GALNT7: variants seen among roughly 807,000 people sequenced by gnomAD.
GALNT7 encodes N-acetylgalactosaminyltransferase 7.
A neutral mutation model predicts 82.1 loss-of-function variants in GALNT7; 60 were observed. The ratio of observed to expected loss-of-function variants is 0.73; its 90% confidence interval spans 0.59 to 0.91. The LOEUF is 0.91. Ranked by LOEUF, GALNT7 falls within the 40% of genes least tolerant of loss-of-function variation. The pLI is 0.00. For missense variants in GALNT7, 660 were observed against 804.2 expected, an observed-to-expected ratio of 0.82 and a Z score of 2.17; for synonymous variants, 243 against 275.1, an observed-to-expected ratio of 0.88 and a Z score of 1.15.
In GALNT7 at chr4:173,176,072, C is replaced by CA. The variant is rs369527302; in HGVS notation, c.126+7123dup. ...TGGGCAACAAAACGAGACTCCATCT[C>CA]AAAAAAAAAAAATTAAAAACAAAAA... On this transcript the variant is annotated intron_variant, in intron 1 of 11. Coordinates refer to ENST00000265000, the MANE Select transcript of GALNT7 (RefSeq NM_017423.3). Among the ~76,000 whole-genome samples, 920 of 139,928 alleles carry CA rather than the reference C, an allele frequency of 6.6e-3. 9 individuals carry two copies. Among genetic ancestry groups the CA allele is most frequent in the African/African-American group, 0.019 (752 of 38,644 alleles). 91.8% of individuals were successfully genotyped at this position (139,928 alleles called of 152,430 possible).
At position 173,320,619 on chromosome 4, in the gene GALNT7, C is replaced by T. The variant is rs549221031; in HGVS notation, c.1837-961C>T. Among the ~76,000 whole-genome samples, 2 of 152,226 alleles carry T rather than the reference C, an allele frequency of 1.3e-5. No individual in the cohort carries two copies. The highest frequency in any genetic ancestry group is 4.8e-5 in the African/African-American group (2 of 41,550). On this transcript the variant is annotated intron_variant, in intron 11 of 11. Transcript: ENST00000265000. This position sits in a 1 kb window ranked among gnomAD's most constrained non-coding sequence, Gnocchi z 4.1. Reference sequence around the variant, plus strand: ...ATACAGTTTGTAAAGGGAGCGAGTACTTTAATAGCCGTTCATATAATTGTG... The same window carrying T: ...ATACAGTTTGTAAAGGGAGCGAGTATTTTAATAGCCGTTCATATAATTGTG...
chr4:173,298,342 G>T (rs1266735900), intron 6 of GALNT7, 45 bp downstream of exon 6: 1 of 1,306,986 alleles, frequency 7.7e-7, no homozygotes, highest in Non-Finnish European at 1.1e-6. Context: ...TCCAGTTGCT[G>T]CTAACCTATT....
At chr4:173,241,963 T>C (rs931948312) in intron 1 of GALNT7, among the ~76,000 whole-genome samples, 6 of 152,148 alleles carry the variant, frequency 3.9e-5, no homozygotes, top group Admixed American at 2.0e-4. Context: ...GATATAACTA[T>C]TAGCTATTCC....
intron 1 of GALNT7, among the ~76,000 whole-genome samples, chr4:173,196,859 A>T (rs920651488): frequency 6.6e-6 from 1 of 152,208 alleles, no homozygotes. Flanking sequence ...ATAGTGTAAT[A>T]GTGTAATAAG....
At position 173,188,896 on chromosome 4, in the gene GALNT7, C is replaced by T. The variant is rs187316386; in HGVS notation, c.126+19935C>T. Among the ~76,000 whole-genome samples, 4 of 152,330 alleles carry T rather than the reference C, an allele frequency of 2.6e-5. No homozygotes were observed. In the East Asian group the frequency reaches 7.7e-4, roughly 29 times the overall value. ...TGTTTCCCCAGTTGGTTCCTAAACT[C>T]CTCAAAAGCAGACACACCCTACTTT... On this transcript the variant is annotated intron_variant, in intron 1 of 11. Transcript: ENST00000265000.
At chr4:173,217,643 C>T (rs1733513165) in intron 1 of GALNT7, among the ~76,000 whole-genome samples, 1 of 152,192 alleles carries the variant, frequency 6.6e-6, no homozygotes, top group African/African-American at 2.4e-5. Context: ...TTCTACATTT[C>T]TTTGCCTAAG....
chr4:173,187,692 G>A (rs963286359), intron 1 of GALNT7, among the ~76,000 whole-genome samples: 3 of 152,126 alleles, frequency 2.0e-5, no homozygotes, highest in African/African-American at 7.2e-5. Context: ...GCACTCTAAG[G>A]CTTTTAAACT....
At chr4:173,257,645 T>A (rs1313617960) in intron 2 of GALNT7, among the ~76,000 whole-genome samples, 1 of 152,204 alleles carries the variant, frequency 6.6e-6, no homozygotes, top group Non-Finnish European at 1.5e-5. Context: ...TAGGGGAGAT[T>A]CCACTCTTCA....
chr4:173,222,314 C>T (rs1411507638), intron 1 of GALNT7, among the ~76,000 whole-genome samples: 4 of 152,064 alleles, frequency 2.6e-5, no homozygotes, highest in Non-Finnish European at 4.4e-5. Context: ...GCTCTGACCC[C>T]CAGGCTGGAG....
At chr4:173,296,069 G>A (rs550313285) in intron 5 of GALNT7, among the ~76,000 whole-genome samples, 1 of 152,306 alleles carries the variant, frequency 6.6e-6, no homozygotes, top group Admixed American at 6.5e-5. Flanking sequence ...CCTCACTCAA[G>A]AATCATTTTG....
chr4:173,297,808 G>C, intron 5 of GALNT7: 1 of 1,433,046 alleles, frequency 7.0e-7, no homozygotes, highest in Non-Finnish European at 9.1e-7. Context: ...TACATGTACT[G>C]TGCCTCTAAT....
chr4:173,286,746 G>C (rs912687799), intron 2 of GALNT7, among the ~76,000 whole-genome samples: 1 of 152,210 alleles, frequency 6.6e-6, no homozygotes, highest in African/African-American at 2.4e-5. Flanking sequence ...TAAAGGGCAA[G>C]CTATTTCACG....
At chr4:173,228,839 A>C (rs1484967105) in intron 1 of GALNT7, among the ~76,000 whole-genome samples, 1 of 152,208 alleles carries the variant, frequency 6.6e-6, no homozygotes, top group Non-Finnish European at 1.5e-5. Flanking sequence ...TTTAACTTCC[A>C]GGAACCCTAC....
Position 173,292,072 on chromosome 4 carries a change from C to T in GALNT7, c.588-36C>T, listed in dbSNP as rs1444776997. On this transcript the variant is annotated intron_variant, in intron 2 of 11. Transcript: ENST00000265000. This position sits in a 1 kb window ranked among gnomAD's most constrained non-coding sequence, Gnocchi z 4.8. ...GCTTGGAGCCAAGCAGTATAGATTA[C>T]CTGTAAATAAATATGATGAAATTTT... 3.5e-6 allele frequency: 5 copies of T among 1,443,004 alleles called. No individual in the cohort carries two copies. Among genetic ancestry groups the T allele is most frequent in the Non-Finnish European group, 4.9e-6 (5 of 1,029,632 alleles). 89.4% of individuals were successfully genotyped at this position (1,443,004 alleles called of 1,614,324 possible). A position where few individuals can be genotyped will look rare whatever the true frequency, so the allele number is the denominator to read the frequency against.
chr4:173,212,216 A>G (rs1733303118), intron 1 of GALNT7, among the ~76,000 whole-genome samples: 1 of 152,234 alleles, frequency 6.6e-6, no homozygotes, highest in South Asian at 2.1e-4. Context: ...TGAAGTGACC[A>G]AACTTAGATT....
intron 2 of GALNT7, among the ~76,000 whole-genome samples, chr4:173,286,052 C>G (rs2126817148): frequency 6.6e-6 from 1 of 152,238 alleles, no homozygotes; most frequent in South Asian, 2.1e-4. Flanking sequence ...TCCAGAAAAA[C>G]AAGATCTATG....
intron 2 of GALNT7, among the ~76,000 whole-genome samples, chr4:173,255,155 A>T (rs1174435808): frequency 1.3e-5 from 2 of 152,176 alleles, no homozygotes; most frequent in African/African-American, 4.8e-5. Context: ...AAAACTGGAA[A>T]TCAAGGTAAC....
Position 173,178,019 on chromosome 4 carries a change from G to C in GALNT7, c.126+9058G>C, listed in dbSNP as rs1028106002. Reference sequence around the variant, plus strand: ...CCTATCCGCAAGTCTGTGTGTGTGTGTGTGTGTGTGTGTGTGTGTGTGTGT... The same window carrying C: ...CCTATCCGCAAGTCTGTGTGTGTGTCTGTGTGTGTGTGTGTGTGTGTGTGT... On this transcript the variant is annotated intron_variant, in intron 1 of 11. Coordinates refer to ENST00000265000, the MANE Select transcript of GALNT7 (RefSeq NM_017423.3). 5.1e-4 allele frequency among the ~76,000 whole-genome samples: 56 copies of C among 108,940 alleles called. 1 individual carries two copies. The highest frequency in any genetic ancestry group is 6.3e-4 in the Non-Finnish European group (34 of 53,840). 71.5% of individuals were successfully genotyped at this position (108,940 alleles called of 152,430 possible). A position where few individuals can be genotyped will look rare whatever the true frequency, so the allele number is the denominator to read the frequency against.
In GALNT7 at chr4:173,314,033, G is replaced by T. The variant is rs768538862; in HGVS notation, c.1465G>T (p.Ala489Ser). ...CTATGCTAGTCGTCCTGAATCGCAG[G>T]CATTACCATATGGGGATATATCGGA... ...YFYASRPESQ[A>S]LPYGDISELK... The change falls in exon 9 of 12, where the codon GCA becomes TCA. Residue 489 changes from alanine (A) to serine (S), a missense_variant. By Grantham distance (99) the Ala-to-Ser change is moderately conservative. Coordinates refer to ENST00000265000, the MANE Select transcript of GALNT7 (RefSeq NM_017423.3). The T allele has an allele frequency of 6.2e-7, 1 of 1,610,308 alleles. No individual in the cohort carries two copies. Among genetic ancestry groups the T allele is most frequent in the Admixed American group, 1.7e-5 (1 of 59,988 alleles).
Sources: allele counts gnomAD v4.1 joint callset (sites outside exome capture counted in the v4.1 genomes callset), GRCh38; gene constraint gnomAD v4.1.1; non-coding constraint Gnocchi (gnomAD v3.1); transcripts MANE v1.5; gene names NCBI Gene and HGNC (gene_info 2026-07-23, HGNC 2026-07-21).